The following PLXDC2 variants were observed in gnomAD, a reference collection of about 807,000 sequenced individuals.
PLXDC2 encodes plexin domain-containing protein 2.
In PLXDC2, 40 loss-of-function variants were observed where a neutral mutation model predicts 68.9. That is an observed-to-expected ratio of 0.58 (90% CI 0.45 to 0.76). The LOEUF (loss-of-function observed/expected upper bound fraction) is 0.76, where lower values mean the gene tolerates loss of function less well. Among genes scored for constraint, PLXDC2 ranks in the 30% least tolerant of loss-of-function variants. The probability of loss-of-function intolerance (pLI) is 0.00; values close to 1 mark genes in which losing one functional copy is unlikely to be tolerated. For missense variants in PLXDC2, 644 were observed against 661.9 expected, an observed-to-expected ratio of 0.97 and a Z score of 0.30; for synonymous variants, 243 against 234.2, an observed-to-expected ratio of 1.04 and a Z score of -0.34.
chr10:20,064,804 C>T (rs1271640057), intron 3 of PLXDC2, among the ~76,000 whole-genome samples: 1 of 152,150 alleles, frequency 6.6e-6, no homozygotes, highest in African/African-American at 2.4e-5. Flanking sequence ...CAAAGTCCTT[C>T]CTGTAGGATT....
At chr10:20,190,736 G>A (rs1023379805) in intron 9 of PLXDC2, among the ~76,000 whole-genome samples, 3 of 151,722 alleles carry the variant, frequency 2.0e-5, no homozygotes, top group Admixed American at 6.6e-5. Flanking sequence ...TATTTGTTTT[G>A]TGGGGAATCT....
At chr10:19,954,504 G>C (rs563879167) in intron 1 of PLXDC2, among the ~76,000 whole-genome samples, 1 of 152,156 alleles carries the variant, frequency 6.6e-6, no homozygotes, top group Non-Finnish European at 1.5e-5. Flanking sequence ...TGATCCATTT[G>C]TAGTCTATAT....
At chr10:20,002,997 T>C (rs1055296529) in intron 2 of PLXDC2, among the ~76,000 whole-genome samples, 1 of 152,116 alleles carries the variant, frequency 6.6e-6, no homozygotes, top group Non-Finnish European at 1.5e-5. Context: ...TTCTTTATTA[T>C]GGTTGGAGCT....
intron 1 of PLXDC2, among the ~76,000 whole-genome samples, chr10:19,952,206 T>C (rs1477467036): frequency 6.6e-6 from 1 of 152,178 alleles, no homozygotes; most frequent in Non-Finnish European, 1.5e-5. Flanking sequence ...AACAAAGTGG[T>C]ATTTTCTTCC....
chr10:19,841,534 A>G (rs1404433379), intron 1 of PLXDC2, among the ~76,000 whole-genome samples: 1 of 132,856 alleles, frequency 7.5e-6, no homozygotes, highest in South Asian at 2.6e-4. Flanking sequence ...GGTGTGTTTC[A>G]GGGTTTTTTT....
At chr10:19,958,995 A>T (rs1042254729) in intron 1 of PLXDC2, among the ~76,000 whole-genome samples, 3 of 152,212 alleles carry the variant, frequency 2.0e-5, no homozygotes, top group African/African-American at 7.2e-5. Flanking sequence ...GGCCTATGGC[A>T]GACAGCCTTC....
intron 1 of PLXDC2, among the ~76,000 whole-genome samples, chr10:19,849,130 A>G (rs1837067771): frequency 6.6e-6 from 1 of 152,160 alleles, no homozygotes; most frequent in Non-Finnish European, 1.5e-5. Flanking sequence ...ACACATGTAC[A>G]TAGTTTTAAA....
At chr10:19,877,530 ATC>A (rs1837654400) in intron 1 of PLXDC2, among the ~76,000 whole-genome samples, 2 of 152,202 alleles carry the variant, frequency 1.3e-5, no homozygotes, top group Admixed American at 6.5e-5. Flanking sequence ...TGTGTGCAAA[ATC>A]TCTCTTACTT....
At chr10:20,268,143 C>T (rs1486629903) in intron 13 of PLXDC2, among the ~76,000 whole-genome samples, 2 of 152,120 alleles carry the variant, frequency 1.3e-5, no homozygotes, top group Non-Finnish European at 2.9e-5. Flanking sequence ...TACATATTAA[C>T]TTTTATTTTC....
At chr10:20,040,366 G>A (rs1483972212) in intron 2 of PLXDC2, among the ~76,000 whole-genome samples, 3 of 152,118 alleles carry the variant, frequency 2.0e-5, no homozygotes, top group Non-Finnish European at 2.9e-5. Context: ...TGATGTTGGA[G>A]GGCCCAAAAC....
chr10:20,062,172 T>C (rs145563911), intron 3 of PLXDC2, among the ~76,000 whole-genome samples: 3,394 of 152,316 alleles, frequency 0.022, 131 homozygotes, highest in African/African-American at 0.077. Context: ...ACGCCTGTAA[T>C]CCCAGCACTT....
chr10:19,948,286 G>A (rs1370451236), intron 1 of PLXDC2, among the ~76,000 whole-genome samples: 2 of 152,108 alleles, frequency 1.3e-5, no homozygotes, highest in South Asian at 4.1e-4. Flanking sequence ...CTCTAAGGAT[G>A]CCATTTCTCA....
At chr10:20,267,289 G>A (rs1835884065) in intron 13 of PLXDC2, among the ~76,000 whole-genome samples, 1 of 152,140 alleles carries the variant, frequency 6.6e-6, no homozygotes, top group African/African-American at 2.4e-5. Flanking sequence ...TTCTTACTAA[G>A]TAGAGAATCA....
At chr10:20,113,882 T>C (rs1440109660) in intron 4 of PLXDC2, among the ~76,000 whole-genome samples, 2 of 152,092 alleles carry the variant, frequency 1.3e-5, no homozygotes, top group African/African-American at 4.8e-5. Context: ...CCCCAGCACT[T>C]TGGGAGGCTG....
chr10:20,240,872 A>AATT (rs1835505727), intron 12 of PLXDC2, among the ~76,000 whole-genome samples: 1 of 152,172 alleles, frequency 6.6e-6, no homozygotes, highest in African/African-American at 2.4e-5. Context: ...AATATTTTGG[A>AATT]GTTGAGTATG....
intron 13 of PLXDC2, among the ~76,000 whole-genome samples, chr10:20,266,640 A>T (rs1835876243): frequency 1.3e-5 from 2 of 152,152 alleles, no homozygotes; most frequent in Non-Finnish European, 1.5e-5. Context: ...GGAGATTTAG[A>T]ATTCTTTTTC....
chr10:20,037,923 C>G (rs941392162), intron 2 of PLXDC2, among the ~76,000 whole-genome samples: 1 of 152,146 alleles, frequency 6.6e-6, no homozygotes, highest in African/African-American at 2.4e-5. Flanking sequence ...TACACACACC[C>G]CACTCTACTA....
intron 13 of PLXDC2, among the ~76,000 whole-genome samples, chr10:20,273,886 A>G (rs2119388221): frequency 6.6e-6 from 1 of 152,250 alleles, no homozygotes; most frequent in African/African-American, 2.4e-5. Context: ...AAGTTTAAAA[A>G]ATATTAGCTA....
chr10:19,961,224 A>G (rs1285768357), intron 1 of PLXDC2, among the ~76,000 whole-genome samples: 3 of 152,204 alleles, frequency 2.0e-5, no homozygotes, highest in Non-Finnish European at 4.4e-5. Context: ...ACGCTGTGCA[A>G]ACTCATTGTT....
Sources: allele counts gnomAD v4.1 joint callset (sites outside exome capture counted in the v4.1 genomes callset), GRCh38; gene constraint gnomAD v4.1.1; transcripts MANE v1.5; gene names NCBI Gene and HGNC (gene_info 2026-07-23, HGNC 2026-07-21).